NOX4: variants seen among roughly 807,000 people sequenced by gnomAD.
NOX4 encodes the protein kidney oxidase-1.
NOX4 carries 69 observed loss-of-function variants against 87.6 expected under a neutral mutation model. The observed-to-expected ratio is 0.79, with a 90% CI of 0.65 to 0.96. The LOEUF (loss-of-function observed/expected upper bound fraction) is 0.96, where lower values mean the gene tolerates loss of function less well. Among genes scored for constraint, NOX4 ranks in the 40% least tolerant of loss-of-function variants. NOX4 has a pLI of 0.00. For synonymous variants in NOX4, 275 were observed against 238.2 expected (o/e 1.15, Z -1.42); for missense variants, 680 against 681.5 (o/e 1.00, Z 0.02).
At chr11:89,472,738 A>C (rs1946003005) in intron 2 of NOX4, among the ~76,000 whole-genome samples, 1 of 152,164 alleles carries the variant, frequency 6.6e-6, no homozygotes, top group Non-Finnish European at 1.5e-5. Context: ...GAAAACATTC[A>C]CTTCTAGACT....
intron 2 of NOX4, among the ~76,000 whole-genome samples, chr11:89,472,184 C>T (rs1233818172): frequency 1.3e-5 from 2 of 152,094 alleles, no homozygotes; most frequent in Non-Finnish European, 2.9e-5. Flanking sequence ...TGAAAATAAA[C>T]TACCAATTCA....
chr11:89,556,720 G>C, the NOX4 span: 1 of 152,090 alleles, frequency 6.6e-6, no homozygotes, highest in Admixed American at 6.6e-5. Flanking sequence ...GTAATTAGTA[G>C]GATTAACCAT....
rs549053261 is a variant in NOX4, at chr11:89,377,195, C to T, written c.1075-3703G>A. On this transcript the variant is annotated intron_variant, in intron 11 of 17. Transcript: ENST00000263317. The stretch of plus-strand genomic sequence containing the variant: ...TAATTGAAGACAGAGAAAACAAGAA[C>T]TCTTACAATCATTTCATACACATCT... Among the ~76,000 whole-genome samples the T allele has an allele frequency of 9.3e-4, 142 of 152,240 alleles. 3 individuals are homozygous for T. In the Middle Eastern group the frequency reaches 0.014, roughly 15 times the overall value.
In NOX4 at chr11:89,364,242, GTCTC is replaced by G. The variant is rs898167334; in HGVS notation, c.1135+9186_1135+9189del. On this transcript the variant is annotated intron_variant, in intron 12 of 17. Transcript: ENST00000263317. ...AGCCTAGGTGACAGAGTGAGACCCTGTCTCTCTCTCTCTTTCTCTCTCTCTGTTT... is the reference window on the plus strand; with the variant it reads ...AGCCTAGGTGACAGAGTGAGACCCTGTCTCTCTCTTTCTCTCTCTCTGTTT... Among the ~76,000 whole-genome samples, 18 of 151,686 alleles carry G rather than the reference GTCTC, an allele frequency of 1.2e-4. 1 individual carries two copies. The East Asian group carries it at 2.3e-3, about 20-fold the overall frequency.
chr11:89,365,769 A>AC (rs1565201583), intron 12 of NOX4, among the ~76,000 whole-genome samples: 1 of 151,356 alleles, frequency 6.6e-6, no homozygotes, highest in Admixed American at 6.6e-5. Context: ...AAAAAAAAAA[A>AC]AAAAAAACAG....
In NOX4 at chr11:89,357,395, T is replaced by C. The variant is rs559838582; in HGVS notation, c.1136-2352A>G. On this transcript the variant is annotated intron_variant, in intron 12 of 17. Transcript: ENST00000263317. Reference sequence around the variant, plus strand: ...TAAATATTATATTATTGGCTGATATTTGGGCTGATATTACTCTGTTTAATT... The same window carrying C: ...TAAATATTATATTATTGGCTGATATCTGGGCTGATATTACTCTGTTTAATT... Among the ~76,000 whole-genome samples, 10 of 152,298 alleles carry C rather than the reference T, an allele frequency of 6.6e-5. No homozygotes were observed. The South Asian group carries it at 1.7e-3, about 25-fold the overall frequency.
upstream of NOX4, among the ~76,000 whole-genome samples, chr11:89,501,381 A>G (rs1329914001): frequency 6.6e-6 from 1 of 152,024 alleles, no homozygotes; most frequent in Non-Finnish European, 1.5e-5. Context: ...AAAGAGCGGT[A>G]GTTTTGGGTG....
chr11:89,349,726 A>G (rs1286190463), intron 13 of NOX4, among the ~76,000 whole-genome samples: 1 of 152,168 alleles, frequency 6.6e-6, no homozygotes, highest in African/African-American at 2.4e-5. Context: ...CCAAGTAGAA[A>G]CAGTTTATTC....
chr11:89,459,669 C>A (rs1041728793), intron 2 of NOX4, among the ~76,000 whole-genome samples: 1 of 151,976 alleles, frequency 6.6e-6, no homozygotes, highest in Admixed American at 6.6e-5. Flanking sequence ...AGGATACAAA[C>A]AAATGGAAGA....
In NOX4 at chr11:89,402,543, C is replaced by T. The variant is rs1290284808; in HGVS notation, c.630-1G>A. 1 of 1,603,706 alleles carries T rather than the reference C, an allele frequency of 6.2e-7. No homozygotes were observed. The highest frequency in any genetic ancestry group is 8.5e-7 in the Non-Finnish European group (1 of 1,171,822). On this transcript the variant is annotated splice_acceptor_variant, in intron 8 of 17. Transcript: ENST00000263317. LOFTEE classifies it high-confidence loss of function. Reference sequence around the variant, plus strand: ...ATTAGTTTGATACTTCAGCAGCCCTCTAAAATTACATTTAAAACAAACAAA... The same window carrying T: ...ATTAGTTTGATACTTCAGCAGCCCTTTAAAATTACATTTAAAACAAACAAA...
chr11:89,515,507 C>T, the NOX4 span, among the ~76,000 whole-genome samples: 2 of 149,552 alleles, frequency 1.3e-5, no homozygotes, highest in African/African-American at 4.9e-5. Flanking sequence ...AAATTTTTTT[C>T]ACATTCTGTG....
chr11:89,380,960 T>C (rs1940241164), intron 11 of NOX4, among the ~76,000 whole-genome samples: 1 of 152,196 alleles, frequency 6.6e-6, no homozygotes, highest in Non-Finnish European at 1.5e-5. Context: ...TCAAAACTGC[T>C]GCAGATGTCC....
intron 2 of NOX4, among the ~76,000 whole-genome samples, chr11:89,467,349 CAAAAAAAAAAAAAAAA>C (rs71052233): frequency 1.6e-5 from 1 of 61,424 alleles, no homozygotes; most frequent in South Asian, 7.9e-4. Flanking sequence ...AAACTCGTCA[CAAAAAAAAAAAAAAAA>C]AAAAAAAAAA....
intron 2 of NOX4, among the ~76,000 whole-genome samples, chr11:89,472,988 G>A (rs1441146922): frequency 6.6e-6 from 1 of 152,122 alleles, no homozygotes; most frequent in African/African-American, 2.4e-5. Flanking sequence ...TTATAGAAAT[G>A]TATCAAGTGA....
chr11:89,511,637 C>G, the NOX4 span, among the ~76,000 whole-genome samples: 1 of 151,986 alleles, frequency 6.6e-6, no homozygotes, highest in African/African-American at 2.4e-5. Context: ...TCTATTTCCT[C>G]TTTTAAATAA....
intron 7 of NOX4, 81 bp from the exon 8 acceptor site, chr11:89,422,063 C>T: frequency 1.4e-6 from 1 of 719,988 alleles, no homozygotes; most frequent in Admixed American, 3.3e-5. Context: ...TGTATCATTT[C>T]AAACATCTCA....
At chr11:89,536,663 C>T in the NOX4 span, among the ~76,000 whole-genome samples, 1 of 152,134 alleles carries the variant, frequency 6.6e-6, no homozygotes, top group Non-Finnish European at 1.5e-5. Flanking sequence ...ACTATTATTA[C>T]TACTTCTTCT....
intron 8 of NOX4, among the ~76,000 whole-genome samples, chr11:89,416,123 CTA>C (rs1942757327): frequency 6.6e-6 from 1 of 152,108 alleles, no homozygotes; most frequent in Admixed American, 6.6e-5. Flanking sequence ...CCTGGTTTTT[CTA>C]TAGCCACTGC....
intron 2 of NOX4, among the ~76,000 whole-genome samples, chr11:89,478,865 T>C (rs542977233): frequency 6.6e-6 from 1 of 152,284 alleles, no homozygotes; most frequent in African/African-American, 2.4e-5. Flanking sequence ...TGATGGGTTC[T>C]ACACAGTCCA....
Sources: gnomAD v4.1 joint callset for allele counts (sites outside exome capture counted in the v4.1 genomes callset) on GRCh38, gnomAD v4.1.1 for gene constraint, MANE v1.5 for transcripts, NCBI Gene and HGNC (gene_info 2026-07-23, HGNC 2026-07-21) for gene names.